The following LRRTM4 variants were observed in gnomAD, a reference collection of about 807,000 sequenced individuals.
LRRTM4 encodes the protein leucine rich repeat transmembrane neuronal 4, also known as leucine-rich repeat transmembrane neuronal protein 4.
Under a neutral mutation model 47.6 loss-of-function variants are expected in LRRTM4, and 25 were observed. The ratio of observed to expected loss-of-function variants is 0.53; its 90% CI spans 0.38 to 0.73. The LOEUF (loss-of-function observed/expected upper bound fraction) is 0.73, where lower values mean the gene tolerates loss of function less well. Among genes scored for constraint, LRRTM4 ranks in the 30% least tolerant of loss-of-function variants. The probability of loss-of-function intolerance (pLI) is 0.00; values close to 1 mark genes in which losing one functional copy is unlikely to be tolerated. For missense variants in LRRTM4, 638 were observed against 713.4 expected, an observed-to-expected ratio of 0.89 and a Z score of 1.20; for synonymous variants, 311 against 269.5, an observed-to-expected ratio of 1.15 and a Z score of -1.51.
chr2:76,955,948 G>A (rs1445657270), intron 3 of LRRTM4, among the ~76,000 whole-genome samples: 1 of 151,356 alleles, frequency 6.6e-6, no homozygotes. Flanking sequence ...GAATAAAATG[G>A]CAAAAGTAAA....
At chr2:76,912,360 GA>G (rs1446918591) in intron 3 of LRRTM4, among the ~76,000 whole-genome samples, 6 of 152,022 alleles carry the variant, frequency 3.9e-5, no homozygotes, top group African/African-American at 1.5e-4. Context: ...TCCATTTTAG[GA>G]TATGTCTCAC....
rs998509708 is a variant in LRRTM4 at position 76,796,703 on chromosome 2, GACAGGGAAAAAACAGAACAGAAAA to G, written c.1552-47811_1552-47788del. 3.4e-4 allele frequency among the ~76,000 whole-genome samples: 46 copies of G among 134,304 alleles called. No homozygotes were observed. In the East Asian group the frequency reaches 0.01, roughly 29 times the overall value. 88.1% of individuals were successfully genotyped at this position (134,304 alleles called of 152,430 possible). On this transcript the variant is annotated intron_variant, in intron 3 of 3. Transcript: ENST00000409884. ...ACCAAAAGTAGATAAAAACCACAAA[GACAGGGAAAAAACAGAACAGAAAA>G]ACTGGAAACTCTGAAAAGCAGAGCA...
At chr2:76,933,394 C>T (rs763674356) in intron 3 of LRRTM4, among the ~76,000 whole-genome samples, 11 of 151,950 alleles carry the variant, frequency 7.2e-5, no homozygotes, top group Non-Finnish European at 1.5e-4. Flanking sequence ...CAAATACCTG[C>T]TTGCCTGCAG....
At chr2:77,113,222 T>C (rs998956566) in intron 3 of LRRTM4, among the ~76,000 whole-genome samples, 4 of 152,130 alleles carry the variant, frequency 2.6e-5, no homozygotes, top group African/African-American at 9.7e-5. Flanking sequence ...GGGCCTCCTC[T>C]GACCACCAGG....
intron 3 of LRRTM4, among the ~76,000 whole-genome samples, chr2:76,872,891 C>T (rs1672666824): frequency 6.6e-6 from 1 of 152,074 alleles, no homozygotes; most frequent in Non-Finnish European, 1.5e-5. Context: ...AACCTTCCCA[C>T]TCACCCTTGC....
At chr2:76,998,484 A>G (rs1345997969) in intron 3 of LRRTM4, among the ~76,000 whole-genome samples, 1 of 152,046 alleles carries the variant, frequency 6.6e-6, no homozygotes, top group African/African-American at 2.4e-5. Flanking sequence ...TGATGCACAC[A>G]CACCACCCCT....
intron 3 of LRRTM4, among the ~76,000 whole-genome samples, chr2:77,046,552 T>G (rs1573495787): frequency 6.6e-6 from 1 of 151,966 alleles, no homozygotes; most frequent in African/African-American, 2.4e-5. Context: ...GCAGAATGAC[T>G]AGAGTATATA....
intron 3 of LRRTM4, among the ~76,000 whole-genome samples, chr2:77,073,848 A>AT (rs1469774941): frequency 3.3e-5 from 5 of 151,540 alleles, no homozygotes; most frequent in African/African-American, 4.8e-5. Flanking sequence ...TCAGCCAAGT[A>AT]TTTTTTTTCT....
chr2:76,759,462 T>C (rs576578520), intron 3 of LRRTM4, among the ~76,000 whole-genome samples: 9 of 152,164 alleles, frequency 5.9e-5, no homozygotes, highest in Non-Finnish European at 1.0e-4. Flanking sequence ...AAAAGCCCAC[T>C]GACCTTTTAG....
chr2:77,051,122 G>T (rs1012485059), intron 3 of LRRTM4, among the ~76,000 whole-genome samples: 18 of 151,530 alleles, frequency 1.2e-4, no homozygotes, highest in Admixed American at 5.3e-4. Context: ...AGATATTTTT[G>T]ATAGTTAGGA....
intron 3 of LRRTM4, among the ~76,000 whole-genome samples, chr2:77,353,933 C>T (rs191370604): frequency 2.6e-5 from 4 of 152,286 alleles, no homozygotes; most frequent in Admixed American, 2.6e-4. Context: ...AGCAGTGTTA[C>T]AGTTCCATGA....
Position 77,001,607 on chromosome 2 carries a change from T to C in LRRTM4, c.1552-252691A>G, listed in dbSNP as rs113634961. 8.2e-3 allele frequency among the ~76,000 whole-genome samples: 1,244 copies of C among 152,254 alleles called. 18 individuals carry two copies. The highest frequency in any genetic ancestry group is 0.029 in the African/African-American group (1,196 of 41,552). Reference sequence around the variant, plus strand: ...CCACCCTAGAGTTCTGTCTTTCCTTTATCCTTATAGCCACTTTTCTATATC... The same window carrying C: ...CCACCCTAGAGTTCTGTCTTTCCTTCATCCTTATAGCCACTTTTCTATATC... On this transcript the variant is annotated intron_variant, in intron 3 of 3. Coordinates refer to ENST00000409884, the MANE Select transcript of LRRTM4 (RefSeq NM_001134745.3).
chr2:76,933,036 T>G (rs1674825905), intron 3 of LRRTM4, among the ~76,000 whole-genome samples: 1 of 152,110 alleles, frequency 6.6e-6, no homozygotes, highest in Non-Finnish European at 1.5e-5. Flanking sequence ...AATCTTAATA[T>G]TCAATTCCTC....
intron 3 of LRRTM4, among the ~76,000 whole-genome samples, chr2:77,475,986 C>T (rs1392928551): frequency 1.3e-5 from 2 of 152,014 alleles, no homozygotes; most frequent in East Asian, 3.9e-4. Context: ...TCATTCTATA[C>T]CTTATCTCTT....
At chr2:77,222,402 A>G (rs1177935867) in intron 3 of LRRTM4, among the ~76,000 whole-genome samples, 1 of 152,228 alleles carries the variant, frequency 6.6e-6, no homozygotes, top group Admixed American at 6.5e-5. Context: ...CCTTCAAAAA[A>G]TCAATGAATC....
chr2:76,926,933 C>T (rs901256893), intron 3 of LRRTM4, among the ~76,000 whole-genome samples: 1 of 152,080 alleles, frequency 6.6e-6, no homozygotes, highest in South Asian at 2.1e-4. Flanking sequence ...ACATCCTCCT[C>T]GTTTCACCAG....
chr2:76,831,387 A>G (rs1019058262), intron 3 of LRRTM4, among the ~76,000 whole-genome samples: 2 of 152,150 alleles, frequency 1.3e-5, no homozygotes, highest in Non-Finnish European at 2.9e-5. Context: ...CTCCATGGAC[A>G]TCATATTGTT....
intron 3 of LRRTM4, among the ~76,000 whole-genome samples, chr2:77,321,560 G>GGC (rs1553428223): frequency 2.0e-5 from 2 of 101,652 alleles, no homozygotes; most frequent in African/African-American, 9.5e-5. Context: ...GGAGGGGGGG[G>GGC]GGTGTGTGAA....
intron 3 of LRRTM4, among the ~76,000 whole-genome samples, chr2:76,826,143 C>T (rs1350755808): frequency 1.3e-5 from 2 of 151,542 alleles, no homozygotes; most frequent in African/African-American, 2.4e-5. Context: ...ACAAAGAGGA[C>T]CACAGAAATG....
Sources: gnomAD v4.1 joint callset for allele counts (sites outside exome capture counted in the v4.1 genomes callset) on GRCh38, gnomAD v4.1.1 for gene constraint, MANE v1.5 for transcripts, NCBI Gene and HGNC (gene_info 2026-07-23, HGNC 2026-07-21) for gene names.